Variants in SORCS3 observed in about 807,000 individuals in gnomAD.
SORCS3 encodes the protein sortilin related VPS10 domain containing receptor 3.
Under a neutral mutation model 146.3 loss-of-function variants are expected in SORCS3, and 57 were observed. That is an observed-to-expected ratio of 0.39 (90% CI 0.31 to 0.49). The LOEUF (loss-of-function observed/expected upper bound fraction) is 0.49, where lower values mean the gene tolerates loss of function less well. Among genes scored for constraint, SORCS3 ranks in the 20% least tolerant of loss-of-function variants. The pLI is 0.92. For missense variants in SORCS3, 1,341 were observed against 1,575.5 expected, an observed-to-expected ratio of 0.85 and a Z score of 2.52; for synonymous variants, 653 against 618.5, an observed-to-expected ratio of 1.06 and a Z score of -0.83.
At chr10:104,671,354 C>G (rs1337325221) in intron 1 of SORCS3, among the ~76,000 whole-genome samples, 1 of 9,014 alleles carries the variant, frequency 1.1e-4, no homozygotes, top group Non-Finnish European at 2.5e-4. Context: ...TTTTTTTTTG[C>G]GACAGAGTCT....
At chr10:104,651,533 T>A (rs1162886212) in intron 1 of SORCS3, among the ~76,000 whole-genome samples, 28 of 112,638 alleles carry the variant, frequency 2.5e-4, no homozygotes, top group South Asian at 3.3e-4. Context: ...CGGGCTCTAC[T>A]AAAAAAAAAA....
At chr10:105,132,332 T>C (rs1236832895) in intron 7 of SORCS3, among the ~76,000 whole-genome samples, 1 of 152,182 alleles carries the variant, frequency 6.6e-6, no homozygotes, top group Non-Finnish European at 1.5e-5. Context: ...ATAATTATTG[T>C]TGTGGATATT....
chr10:104,691,348 T>G (rs2016109328), intron 1 of SORCS3, among the ~76,000 whole-genome samples: 1 of 152,224 alleles, frequency 6.6e-6, no homozygotes, highest in Non-Finnish European at 1.5e-5. Flanking sequence ...TGTGTGGGTT[T>G]AGAAAACTAA....
At chr10:104,935,815 G>C (rs2019254836) in intron 3 of SORCS3, among the ~76,000 whole-genome samples, 1 of 152,186 alleles carries the variant, frequency 6.6e-6, no homozygotes, top group East Asian at 1.9e-4. Context: ...GAGAAGGTAA[G>C]GTGTGTTCAG....
chr10:104,798,237 T>G (rs118096040), intron 1 of SORCS3, among the ~76,000 whole-genome samples: 3,259 of 152,226 alleles, frequency 0.021, 52 homozygotes, highest in Middle Eastern at 0.092. Context: ...GTAGGATACA[T>G]GCAGAACTTG....
At chr10:104,824,975 G>A (rs1377678402) in intron 1 of SORCS3, among the ~76,000 whole-genome samples, 1 of 152,228 alleles carries the variant, frequency 6.6e-6, no homozygotes, top group Non-Finnish European at 1.5e-5. Context: ...AACTTGGATG[G>A]ACCTGTGATC....
At chr10:105,222,860 G>C (rs2056712116) in intron 19 of SORCS3, among the ~76,000 whole-genome samples, 1 of 152,218 alleles carries the variant, frequency 6.6e-6, no homozygotes, top group Non-Finnish European at 1.5e-5. Context: ...AGGTTCATAA[G>C]CATCTGTGGT....
At chr10:105,197,594 T>G (rs2056550935) in intron 14 of SORCS3, among the ~76,000 whole-genome samples, 1 of 152,216 alleles carries the variant, frequency 6.6e-6, no homozygotes, top group Non-Finnish European at 1.5e-5. Context: ...CATTTCAAGA[T>G]CACGTTAAAT....
Position 104,708,610 on chromosome 10 carries a change from G to A in SORCS3, c.627+66656G>A, listed in dbSNP as rs549663116. The stretch of plus-strand genomic sequence containing the variant: ...AAATTCATGTTTGGATCTGGGCTGG[G>A]GAGTTGGGTCATAAATCCTGTTTTT... On this transcript the variant is annotated intron_variant, in intron 1 of 26. Coordinates refer to ENST00000369701, the MANE Select transcript of SORCS3 (RefSeq NM_014978.3). Among the ~76,000 whole-genome samples, 4 of 152,234 alleles carry A rather than the reference G, an allele frequency of 2.6e-5. No homozygotes were observed. The South Asian group carries it at 8.3e-4, about 32-fold the overall frequency.
chr10:105,035,980 G>A (rs2055303676), intron 4 of SORCS3, among the ~76,000 whole-genome samples: 4 of 151,966 alleles, frequency 2.6e-5, no homozygotes, highest in South Asian at 4.2e-4. Context: ...TTCTTATGGA[G>A]TTGTCTCTTT....
intron 2 of SORCS3, among the ~76,000 whole-genome samples, chr10:104,882,278 G>T (rs913738257): frequency 2.0e-5 from 3 of 152,112 alleles, no homozygotes; most frequent in Admixed American, 2.0e-4. Flanking sequence ...TGCAAAGGAG[G>T]TTCCCAAGTC....
chr10:105,191,667 G>A lies in SORCS3; in HGVS notation c.2010-8332G>A, dbSNP rs534557001. ...TTTCCATGGGTGAGAGTGCAGGTGGGGGGTGTTGATTTCGGGAAGAAACTG... is the reference window on the plus strand; with the variant it reads ...TTTCCATGGGTGAGAGTGCAGGTGGAGGGTGTTGATTTCGGGAAGAAACTG... On this transcript the variant is annotated intron_variant, in intron 14 of 26. Transcript: ENST00000369701. 2.6e-5 allele frequency among the ~76,000 whole-genome samples: 4 copies of A among 152,256 alleles called. No homozygotes were observed. In the East Asian group the frequency reaches 5.8e-4, roughly 22 times the overall value.
At chr10:104,647,292 C>G (rs1411737184) in intron 1 of SORCS3, among the ~76,000 whole-genome samples, 1 of 152,170 alleles carries the variant, frequency 6.6e-6, no homozygotes, top group African/African-American at 2.4e-5. Context: ...TCCCAAGCAT[C>G]TTGAGGTCTG....
At chr10:105,069,196 A>G (rs1254851664) in intron 5 of SORCS3, among the ~76,000 whole-genome samples, 1 of 152,232 alleles carries the variant, frequency 6.6e-6, no homozygotes, top group African/African-American at 2.4e-5. Flanking sequence ...CTTACATGCC[A>G]TAAGATTGTA....
At chr10:104,980,053 A>C (rs542329763) in intron 4 of SORCS3, among the ~76,000 whole-genome samples, 1 of 152,322 alleles carries the variant, frequency 6.6e-6, no homozygotes, top group East Asian at 1.9e-4. Context: ...CACAGCACTG[A>C]GAACATCTGG....
In SORCS3 at chr10:104,735,456, G is replaced by GTTTTTTTTTTTTTTTTTTTTTTTTTT; in HGVS notation, c.627+93523_627+93524insTTTTTTTTTTTTTTTTTTTTTTTTTT. 3.4e-3 allele frequency among the ~76,000 whole-genome samples: 119 copies of GTTTTTTTTTTTTTTTTTTTTTTTTTT among 34,984 alleles called. 29 individuals are homozygous for GTTTTTTTTTTTTTTTTTTTTTTTTTT. Among genetic ancestry groups the GTTTTTTTTTTTTTTTTTTTTTTTTTT allele is most frequent in the South Asian group, 7.2e-3 (4 of 554 alleles). 23.0% of individuals were successfully genotyped at this position (34,984 alleles called of 152,430 possible). A position where few individuals can be genotyped will look rare whatever the true frequency, so the allele number is the denominator to read the frequency against. On this transcript the variant is annotated intron_variant, in intron 1 of 26. Coordinates refer to ENST00000369701, the MANE Select transcript of SORCS3 (RefSeq NM_014978.3). Reference sequence around the variant, plus strand: ...CGGTATTCATGAGCTCTCACCGTCTGTTTTTTTTTTTTTTTTTTTTTAATC... The same window carrying GTTTTTTTTTTTTTTTTTTTTTTTTTT: ...CGGTATTCATGAGCTCTCACCGTCTGTTTTTTTTTTTTTTTTTTTTTTTTTTTTTTTTTTTTTTTTTTTTTTTAATC...
chr10:105,004,642 G>T (rs1003525973), intron 4 of SORCS3, among the ~76,000 whole-genome samples: 1 of 152,094 alleles, frequency 6.6e-6, no homozygotes, highest in Admixed American at 6.5e-5. Flanking sequence ...ATGGCAAAAC[G>T]CAAGGAAGCC....
At chr10:105,003,130 C>T (rs908289197) in intron 4 of SORCS3, among the ~76,000 whole-genome samples, 1 of 152,124 alleles carries the variant, frequency 6.6e-6, no homozygotes, top group Non-Finnish European at 1.5e-5. Context: ...ACAATGGCAT[C>T]GCTCTCATAG....
intron 6 of SORCS3, among the ~76,000 whole-genome samples, chr10:105,094,165 CTATATA>C (rs2055729638): frequency 8.5e-5 from 13 of 152,114 alleles, no homozygotes; most frequent in Non-Finnish European, 1.6e-4. Flanking sequence ...GAAAGACAAA[CTATATA>C]GATAGAGAAT....
Sources: allele counts gnomAD v4.1 joint callset (sites outside exome capture counted in the v4.1 genomes callset), GRCh38; gene constraint gnomAD v4.1.1; transcripts MANE v1.5; gene names NCBI Gene and HGNC (gene_info 2026-07-23, HGNC 2026-07-21).